EML6: variants seen among roughly 807,000 people sequenced by gnomAD.
The protein encoded by EML6 is echinoderm microtubule-associated protein-like 6.
A neutral mutation model predicts 240.1 loss-of-function variants in EML6; 154 were observed. The ratio of observed to expected loss-of-function variants is 0.64; its 90% confidence interval spans 0.56 to 0.73. The LOEUF is 0.73. EML6 is among the 30% of genes least tolerant of loss of function. The pLI is 0.00. For missense variants in EML6, 2,964 were observed against 2,474.6 expected, an observed-to-expected ratio of 1.20 and a Z score of -4.20; for synonymous variants, 1,148 against 899.0, an observed-to-expected ratio of 1.28 and a Z score of -4.95.
rs1181425064 is a variant in EML6, at chr2:54,950,789, G to T, written c.4213+10G>T. On this transcript the variant is annotated intron_variant, in intron 30 of 41. Coordinates refer to ENST00000356458, the MANE Select transcript of EML6 (RefSeq NM_001039753.4). ...CAGAACCTCTCCACAGGTAACCGGG[G>T]GTTAAAAAATACAGGTTTTTCTTTT... is the stretch of plus-strand genomic sequence containing the variant. 19 of 1,543,494 alleles carry T rather than the reference G, an allele frequency of 1.2e-5. No homozygotes were observed. Among genetic ancestry groups the T allele is most frequent in the East Asian group, 7.4e-5 (3 of 40,712 alleles).
At chr2:54,801,718 C>G (rs1670158807) in intron 2 of EML6, among the ~76,000 whole-genome samples, 1 of 152,166 alleles carries the variant, frequency 6.6e-6, no homozygotes, top group Non-Finnish European at 1.5e-5. Flanking sequence ...TCTGAACAAA[C>G]TATTGTAAGA....
chr2:54,968,014 G>A, intron 39 of EML6, 114 bp from the exon 40 acceptor site: 2 of 1,055,102 alleles, frequency 1.9e-6, no homozygotes, highest in Non-Finnish European at 2.8e-6. Context: ...TGGCTGTTGG[G>A]GACCCCTGAT....
chr2:54,818,741 T>C (rs1285305162), intron 4 of EML6, among the ~76,000 whole-genome samples: 1 of 152,200 alleles, frequency 6.6e-6, no homozygotes, highest in Non-Finnish European at 1.5e-5. Flanking sequence ...AAAAGTATAA[T>C]AGGACTATAG....
At chr2:54,781,872 T>G (rs1378471387) in intron 2 of EML6, among the ~76,000 whole-genome samples, 1 of 152,162 alleles carries the variant, frequency 6.6e-6, no homozygotes, top group East Asian at 1.9e-4. Context: ...TTTAGCCATG[T>G]TAGCTGGGCT....
At chr2:54,780,242 A>C (rs546582548) in intron 2 of EML6, among the ~76,000 whole-genome samples, 2 of 152,238 alleles carry the variant, frequency 1.3e-5, no homozygotes, top group African/African-American at 2.4e-5. Context: ...ATGTAATTAG[A>C]AATGAATAAT....
At chr2:54,815,201 T>C (rs927021333) in intron 3 of EML6, among the ~76,000 whole-genome samples, 2 of 152,254 alleles carry the variant, frequency 1.3e-5, no homozygotes, top group African/African-American at 4.8e-5. Flanking sequence ...ATCCTAGCTA[T>C]TCTCCTTTAG....
intron 26 of EML6, among the ~76,000 whole-genome samples, chr2:54,924,898 C>G (rs1467347401): frequency 1.3e-5 from 2 of 152,096 alleles, no homozygotes; most frequent in African/African-American, 4.8e-5. Flanking sequence ...TTCTGGCACA[C>G]TTTCCTTCCC....
chr2:54,767,289 G>GA (rs34613186), intron 2 of EML6, among the ~76,000 whole-genome samples: 1 of 151,894 alleles, frequency 6.6e-6, no homozygotes, highest in Admixed American at 6.5e-5. Flanking sequence ...TACAGCCAGG[G>GA]AAAAAATGCC....
rs932122861 is a variant in EML6, at chr2:54,789,542, A to G, written c.198-23690A>G. ...AAAAAAAAAAAAAAAAAAAAAAAAA[A>G]AAAAAAGAAAAAGAATGTGCTTTCC... On this transcript the variant is annotated intron_variant, in intron 2 of 41. Transcript: ENST00000356458. Among the ~76,000 whole-genome samples the G allele has an allele frequency of 3.1e-4, 46 of 147,906 alleles. 2 individuals are homozygous for G. In the East Asian group the frequency reaches 5.5e-3, roughly 18 times the overall value.
intron 21 of EML6, 64 bp from the exon 22 acceptor site, chr2:54,899,577 G>C (rs1672949526): frequency 6.7e-7 from 1 of 1,490,392 alleles, no homozygotes; most frequent in East Asian, 2.5e-5. Context: ...GTAGCACCAG[G>C]CTAAAGAAGG....
chr2:54,792,496 T>C (rs1572903447), intron 2 of EML6, among the ~76,000 whole-genome samples: 1 of 152,198 alleles, frequency 6.6e-6, no homozygotes, highest in Non-Finnish European at 1.5e-5. Flanking sequence ...CAAAAGCCTG[T>C]CTGTAAATGT....
intron 21 of EML6, among the ~76,000 whole-genome samples, chr2:54,899,203 G>A (rs988763242): frequency 2.6e-5 from 4 of 152,170 alleles, no homozygotes; most frequent in Admixed American, 1.3e-4. Flanking sequence ...TGAATGGGTC[G>A]TACCTGCATC....
chr2:54,727,395 C>T (rs1394373708), intron 2 of EML6, among the ~76,000 whole-genome samples: 1 of 137,294 alleles, frequency 7.3e-6, no homozygotes, highest in Admixed American at 8.6e-5. Context: ...AATTAAGAAA[C>T]ACAAACCACA....
chr2:54,848,524 T>TACGCACACACACACACACACAC (rs1553395941), intron 9 of EML6, among the ~76,000 whole-genome samples: 13 of 145,850 alleles, frequency 8.9e-5, no homozygotes, highest in African/African-American at 3.3e-4. Context: ...GCTTCCACAC[T>TACGCACACACACACACACACAC]ACACACACAC....
intron 22 of EML6, among the ~76,000 whole-genome samples, chr2:54,901,128 C>T (rs1267965620): frequency 1.3e-5 from 2 of 152,142 alleles, no homozygotes; most frequent in Non-Finnish European, 1.5e-5. Flanking sequence ...TTGTAGGAAC[C>T]CCATGAGTAA....
At position 54,966,982 on chromosome 2, in the gene EML6, C is replaced by G; in HGVS notation, c.5494-18C>G. On this transcript the variant is annotated intron_variant, in intron 38 of 41. Coordinates refer to ENST00000356458, the MANE Select transcript of EML6 (RefSeq NM_001039753.4). ...TGAGAAAGAACGTTGATGAACATGGCTTCCCTTCTACCTACAGGTGTCAAC... is the reference window on the plus strand; with the variant it reads ...TGAGAAAGAACGTTGATGAACATGGGTTCCCTTCTACCTACAGGTGTCAAC... 1 of 1,504,596 alleles carries G rather than the reference C, an allele frequency of 6.6e-7. No individual in the cohort carries two copies. Among genetic ancestry groups the G allele is most frequent in the Non-Finnish European group, 9.0e-7 (1 of 1,105,384 alleles). 93.2% of individuals were successfully genotyped at this position (1,504,596 alleles called of 1,614,324 possible).
At chr2:54,950,235 C>T (rs1050252603) in intron 29 of EML6, among the ~76,000 whole-genome samples, 1 of 152,248 alleles carries the variant, frequency 6.6e-6, no homozygotes, top group Non-Finnish European at 1.5e-5. Context: ...ATGTTCTGCT[C>T]TACCCACCCT....
chr2:54,734,243 C>T (rs536838567), intron 2 of EML6, among the ~76,000 whole-genome samples: 10 of 152,254 alleles, frequency 6.6e-5, no homozygotes, highest in African/African-American at 9.6e-5. Context: ...GAGGCTGAGA[C>T]GGGAGAATCG....
chr2:54,869,507 C>A, intron 15 of EML6, 140 bp downstream of exon 15: 1 of 696,920 alleles, frequency 1.4e-6, no homozygotes, highest in Non-Finnish European at 2.4e-6. Flanking sequence ...TCATTGGATC[C>A]TTCCAAGATC....
Sources: gnomAD v4.1 joint callset for allele counts (sites outside exome capture counted in the v4.1 genomes callset) on GRCh38, gnomAD v4.1.1 for gene constraint, MANE v1.5 for transcripts, NCBI Gene and HGNC (gene_info 2026-07-23, HGNC 2026-07-21) for gene names.